JARID2: variants seen among roughly 807,000 people sequenced by gnomAD.
JARID2 encodes the protein jumonji and AT-rich interaction domain containing 2.
JARID2 carries 21 observed loss-of-function variants against 125.6 expected under a neutral mutation model. The observed-to-expected ratio is 0.17, with a 90% CI of 0.12 to 0.24. JARID2 has a LOEUF of 0.24. Ranked by LOEUF, JARID2 falls within the 10% of genes least tolerant of loss-of-function variation. The pLI is 1.00. For synonymous variants in JARID2, 736 were observed against 661.6 expected (o/e 1.11, Z -1.73); for missense variants, 1,303 against 1,639.6 (o/e 0.79, Z 3.55).
intron 3 of JARID2, among the ~76,000 whole-genome samples, chr6:15,414,891 A>C (rs1030286487): frequency 1.3e-5 from 2 of 152,056 alleles, no homozygotes; most frequent in Non-Finnish European, 2.9e-5. Flanking sequence ...ATAGGACAAT[A>C]GTGGAGGGAG....
chr6:15,353,936 C>CT (rs1440391769), intron 1 of JARID2, among the ~76,000 whole-genome samples: 1 of 152,166 alleles, frequency 6.6e-6, no homozygotes, highest in East Asian at 1.9e-4. Context: ...AAATCTGCCA[C>CT]TTATGTTCCT....
At chr6:15,467,409 A>G (rs1322042301) in intron 4 of JARID2, among the ~76,000 whole-genome samples, 1 of 152,274 alleles carries the variant, frequency 6.6e-6, no homozygotes. Context: ...TTCTTTTACT[A>G]TTAGACTGAA....
chr6:15,322,304 G>C (rs1294113944), intron 1 of JARID2, among the ~76,000 whole-genome samples: 1 of 152,210 alleles, frequency 6.6e-6, no homozygotes, highest in African/African-American at 2.4e-5. Context: ...GACTTGGTTA[G>C]AGGGCACTTG....
At chr6:15,505,180 G>A (rs1418131622) in intron 9 of JARID2, 2 of 152,226 alleles carry the variant, frequency 1.3e-5, no homozygotes, top group South Asian at 2.1e-4. Flanking sequence ...AGCTGAGTCC[G>A]TGTGAACTTC....
At chr6:15,355,243 T>G (rs1019151507) in intron 1 of JARID2, among the ~76,000 whole-genome samples, 1 of 152,196 alleles carries the variant, frequency 6.6e-6, no homozygotes, top group Non-Finnish European at 1.5e-5. Context: ...AGTGATACTT[T>G]GTTAGAAATT....
At chr6:15,519,815 A>G (rs1771745501) in intron 17 of JARID2, among the ~76,000 whole-genome samples, 1 of 152,100 alleles carries the variant, frequency 6.6e-6, no homozygotes, top group Non-Finnish European at 1.5e-5. Flanking sequence ...CCCTGCCCTT[A>G]TGAGCAGGCA....
chr6:15,248,817 C>T lies in JARID2; in HGVS notation c.45+2233C>T, dbSNP rs909565670. On this transcript the variant is annotated intron_variant, in intron 1 of 17. Transcript: ENST00000341776. ...GTGACGTCAAAAGTCGGGCGGGAGG[C>T]TCCAGGCGCGGCGGGGCGGCGGGGG... 6 of 730,474 alleles carry T rather than the reference C, an allele frequency of 8.2e-6. No homozygotes were observed. The African/African-American group carries it at 9.6e-5, about 12-fold the overall frequency. The allele number at this position is 730,474 out of a possible 1,614,324, so 45.2% of individuals were successfully genotyped here.
chr6:15,247,490 T>C (rs554838975), intron 1 of JARID2: 4 of 981,734 alleles, frequency 4.1e-6, no homozygotes, highest in Non-Finnish European at 4.8e-6. Flanking sequence ...AAATATGCAC[T>C]CGAGTGATCT....
intron 6 of JARID2, among the ~76,000 whole-genome samples, chr6:15,494,330 T>A (rs1770298207): frequency 6.6e-6 from 1 of 151,394 alleles, no homozygotes; most frequent in African/African-American, 2.4e-5. Flanking sequence ...ACTTGGACAC[T>A]CTGCCGGTAG....
In JARID2 at chr6:15,292,665, T is replaced by C. The variant is rs1761271038; in HGVS notation, c.45+46081T>C. 2.0e-5 allele frequency among the ~76,000 whole-genome samples: 3 copies of C among 152,086 alleles called. No individual in the cohort carries two copies. In the South Asian group the frequency reaches 6.2e-4, roughly 31 times the overall value. ...GTTTAAGAAAGTTTAAGTTGTAATA[T>C]TATGTATTTGTTTATGTTTTGAGAC... On this transcript the variant is annotated intron_variant, in intron 1 of 17. Coordinates refer to ENST00000341776, the MANE Select transcript of JARID2 (RefSeq NM_004973.4).
At chr6:15,451,058 G>A (rs1470781181) in intron 3 of JARID2, among the ~76,000 whole-genome samples, 1 of 152,218 alleles carries the variant, frequency 6.6e-6, no homozygotes, top group African/African-American at 2.4e-5. Flanking sequence ...AGCTACTCAG[G>A]AGGCTGAGGT....
At chr6:15,361,584 T>G (rs755773603) in intron 1 of JARID2, among the ~76,000 whole-genome samples, 1 of 152,248 alleles carries the variant, frequency 6.6e-6, no homozygotes, top group East Asian at 1.9e-4. Context: ...CTAGCAGCTT[T>G]AACTTAAAAT....
At chr6:15,447,822 T>G (rs1235991151) in intron 3 of JARID2, among the ~76,000 whole-genome samples, 1 of 152,222 alleles carries the variant, frequency 6.6e-6, no homozygotes, top group Non-Finnish European at 1.5e-5. Flanking sequence ...GACCTCCTCC[T>G]TTACCCCAGG....
intron 3 of JARID2, among the ~76,000 whole-genome samples, chr6:15,450,112 C>T (rs912803408): frequency 4.6e-5 from 7 of 152,128 alleles, no homozygotes; most frequent in Non-Finnish European, 7.3e-5. Flanking sequence ...ATATAATCCA[C>T]TCCCAACCAT....
chr6:15,253,760 G>A (rs1759545381), intron 1 of JARID2, among the ~76,000 whole-genome samples: 1 of 152,166 alleles, frequency 6.6e-6, no homozygotes, highest in Non-Finnish European at 1.5e-5. Context: ...ACCTCCAGAT[G>A]ACGACACAAC....
chr6:15,514,642 A>C (rs1441925586), intron 16 of JARID2, among the ~76,000 whole-genome samples: 2 of 151,902 alleles, frequency 1.3e-5, no homozygotes, highest in Non-Finnish European at 1.5e-5. Context: ...TCAGATCGTC[A>C]GATCAGGGCT....
chr6:15,359,939 G>A lies in JARID2; in HGVS notation c.46-14178G>A, dbSNP rs769574722. 2.0e-5 allele frequency among the ~76,000 whole-genome samples: 3 copies of A among 151,892 alleles called. No homozygotes were observed. In the East Asian group the frequency reaches 5.8e-4, roughly 29 times the overall value. ...TGACCTCAGGTGATCTATCTTCCTC[G>A]GCCTTCCAAAGTTTTGGGATTACAG... On this transcript the variant is annotated intron_variant, in intron 1 of 17. Coordinates refer to ENST00000341776, the MANE Select transcript of JARID2 (RefSeq NM_004973.4).
chr6:15,289,916 T>TGGA (rs1761143300), intron 1 of JARID2, among the ~76,000 whole-genome samples: 1 of 152,220 alleles, frequency 6.6e-6, no homozygotes, highest in African/African-American at 2.4e-5. Flanking sequence ...GGCAAAATTG[T>TGGA]GGAATGTACA....
chr6:15,405,498 A>G (rs1367834673), intron 2 of JARID2, among the ~76,000 whole-genome samples: 2 of 152,212 alleles, frequency 1.3e-5, no homozygotes, highest in East Asian at 3.8e-4. Flanking sequence ...TACAATTTTC[A>G]GCTCATATTT....
Sources: gnomAD v4.1 joint callset for allele counts (sites outside exome capture counted in the v4.1 genomes callset) on GRCh38, gnomAD v4.1.1 for gene constraint, MANE v1.5 for transcripts, NCBI Gene and HGNC (gene_info 2026-07-23, HGNC 2026-07-21) for gene names.